ILDR1: variants seen among roughly 807,000 people sequenced by gnomAD.
ILDR1 encodes immunoglobulin-like domain-containing receptor 1.
In ILDR1, 56 loss-of-function variants were observed where a neutral mutation model predicts 62.4. That is an observed-to-expected ratio of 0.90 (90% CI 0.72 to 1.12). The LOEUF is 1.12. Among genes scored for constraint, ILDR1 ranks in the 50% most tolerant of loss-of-function variants. The probability of loss-of-function intolerance (pLI) is 0.00; values close to 1 mark genes in which losing one functional copy is unlikely to be tolerated. For synonymous variants in ILDR1, 284 were observed against 277.8 expected (o/e 1.02, Z -0.22); for missense variants, 736 against 710.6 (o/e 1.04, Z -0.41).
chr3:122,045,011 G>C, the ILDR1 span, among the ~76,000 whole-genome samples: 2 of 151,036 alleles, frequency 1.3e-5, no homozygotes, highest in African/African-American at 4.9e-5. Context: ...TGTGATGTTA[G>C]GGTGTCAATT....
intron 5 of ILDR1, 71 bp from the exon 6 acceptor site, chr3:121,994,384 C>T (rs986276048): frequency 6.8e-7 from 1 of 1,474,984 alleles, no homozygotes; most frequent in Non-Finnish European, 9.0e-7. Context: ...TCACTTCTTT[C>T]CACCTAGGGG....
chr3:121,989,509 G>A (rs867157195), intron 7 of ILDR1, among the ~76,000 whole-genome samples: 24 of 152,330 alleles, frequency 1.6e-4, no homozygotes, highest in African/African-American at 5.8e-4. Flanking sequence ...GGTGTATACC[G>A]GCCAAGTTTG....
At chr3:122,061,444 T>C in the ILDR1 span, among the ~76,000 whole-genome samples, 2 of 152,306 alleles carry the variant, frequency 1.3e-5, no homozygotes, top group Admixed American at 6.5e-5. Flanking sequence ...AAAAAGTTCA[T>C]TCTCACCAAA....
the ILDR1 span, among the ~76,000 whole-genome samples, chr3:122,034,668 T>A: frequency 2.6e-5 from 4 of 152,258 alleles, no homozygotes; most frequent in South Asian, 2.1e-4. Context: ...TCTATAAGAA[T>A]CCTGTATTAG....
the ILDR1 span, among the ~76,000 whole-genome samples, chr3:122,049,772 T>A: frequency 6.6e-6 from 1 of 152,208 alleles, no homozygotes; most frequent in African/African-American, 2.4e-5. Context: ...TAATGAAATA[T>A]CTGCCTTCAT....
the ILDR1 span, among the ~76,000 whole-genome samples, chr3:122,030,212 G>A: frequency 7.2e-5 from 11 of 152,116 alleles, no homozygotes; most frequent in African/African-American, 2.7e-4. Context: ...GAGAAACCAA[G>A]GACAAATGGG....
chr3:121,997,067 A>C (rs2071447877), intron 5 of ILDR1, among the ~76,000 whole-genome samples: 1 of 151,844 alleles, frequency 6.6e-6, no homozygotes, highest in South Asian at 2.1e-4. Context: ...TGCTCAGTTA[A>C]TTTTTGTATT....
At chr3:121,995,129 A>C (rs1296340971) in intron 5 of ILDR1, among the ~76,000 whole-genome samples, 1 of 152,230 alleles carries the variant, frequency 6.6e-6, no homozygotes, top group Non-Finnish European at 1.5e-5. Context: ...TACAACCCGC[A>C]GTGAGTACAA....
the ILDR1 span, among the ~76,000 whole-genome samples, chr3:122,041,718 A>G: frequency 3.3e-5 from 5 of 151,972 alleles, no homozygotes; most frequent in Non-Finnish European, 5.9e-5. Flanking sequence ...GTTCATTGTT[A>G]GTGTATAGAA....
chr3:122,058,826 T>C, the ILDR1 span, among the ~76,000 whole-genome samples: 4 of 152,068 alleles, frequency 2.6e-5, no homozygotes, highest in African/African-American at 4.8e-5. Flanking sequence ...TAGGAGACTA[T>C]TGGAGTAAGC....
At chr3:122,044,487 G>A in the ILDR1 span, among the ~76,000 whole-genome samples, 3 of 149,194 alleles carry the variant, frequency 2.0e-5, no homozygotes, top group Non-Finnish European at 1.5e-5. Context: ...GTTTCAGAAG[G>A]AATGGTACCA....
intron 1 of ILDR1, among the ~76,000 whole-genome samples, chr3:122,012,702 C>T (rs1399991320): frequency 3.3e-5 from 5 of 152,192 alleles, no homozygotes; most frequent in African/African-American, 1.2e-4. Context: ...AAGAGCCTGG[C>T]ACATATAGAC....
Position 121,987,736 on chromosome 3 carries a change from G to T in ILDR1, c.*631C>A, listed in dbSNP as rs2071272608. 6.1e-6 allele frequency: 1 copy of T among 165,172 alleles called. No individual in the cohort carries two copies. Among genetic ancestry groups the T allele is most frequent in the African/African-American group, 2.4e-5 (1 of 41,484 alleles). 10.2% of individuals were successfully genotyped at this position (165,172 alleles called of 1,614,324 possible). ...AGTTCTCATTTTGAGAATGGCCAGG[G>T]TTCTGGGCAGTGTAGTCTACTGAAA... On this transcript the variant is annotated 3_prime_UTR_variant, in exon 8 of 8. Coordinates refer to ENST00000344209, the MANE Select transcript of ILDR1 (RefSeq NM_001199799.2).
At chr3:122,048,924 C>T in the ILDR1 span, among the ~76,000 whole-genome samples, 2 of 152,142 alleles carry the variant, frequency 1.3e-5, no homozygotes, top group African/African-American at 2.4e-5. Flanking sequence ...GCATAAGCCA[C>T]CATTACGCTT....
Position 121,994,224 on chromosome 3 carries a change from A to C in ILDR1, c.736T>G (p.Ser246Ala). Residue 246 changes from serine (S) to alanine (A), a missense_variant, in exon 6 of 8, where the codon TCC (serine) becomes GCC (alanine). Ser to Ala is a moderately conservative substitution (Grantham distance 99). Coordinates refer to ENST00000344209, the MANE Select transcript of ILDR1 (RefSeq NM_001199799.2). ...KPLYWGADRS[S>A]QVSSYPMHPL... The stretch of plus-strand genomic sequence containing the variant: ...TGCATTGGATAAGATGAAACCTGGG[A>C]GCTCCTGTCCGCCCCCCAGTACAGG... The C allele has an allele frequency of 6.5e-7, 1 of 1,536,096 alleles. No individual in the cohort carries two copies. Among genetic ancestry groups the C allele is most frequent in the Non-Finnish European group, 8.7e-7 (1 of 1,146,906 alleles).
the ILDR1 span, among the ~76,000 whole-genome samples, chr3:122,053,220 G>C: frequency 6.6e-6 from 1 of 152,138 alleles, no homozygotes; most frequent in Non-Finnish European, 1.5e-5. Flanking sequence ...GTGGTTTTGA[G>C]CACATTTTCA....
the ILDR1 span, among the ~76,000 whole-genome samples, chr3:122,031,462 C>T: frequency 5.3e-5 from 8 of 152,180 alleles, no homozygotes; most frequent in Admixed American, 2.0e-4. Context: ...TTGAGGCCTG[C>T]CACAGATTAC....
At chr3:122,025,322 T>C (rs1458297821), upstream of ILDR1, 2 of 152,228 alleles carry the variant, frequency 1.3e-5, no homozygotes, top group African/African-American at 2.4e-5. Flanking sequence ...ACTTTCATTA[T>C]TGAAGTAAAT....
chr3:122,010,774 C>A (rs1370125176), intron 1 of ILDR1, among the ~76,000 whole-genome samples: 1 of 152,196 alleles, frequency 6.6e-6, no homozygotes, highest in Non-Finnish European at 1.5e-5. Context: ...TTCCATAACA[C>A]ACATACCGAT....
Sources: allele counts gnomAD v4.1 joint callset (sites outside exome capture counted in the v4.1 genomes callset), GRCh38; gene constraint gnomAD v4.1.1; transcripts MANE v1.5; gene names NCBI Gene and HGNC (gene_info 2026-07-23, HGNC 2026-07-21).